GPT2: variants seen among roughly 807,000 people sequenced by gnomAD.
GPT2 encodes the protein alanine aminotransferase 2.
Under a neutral mutation model 56.9 loss-of-function variants are expected in GPT2, and 30 were observed. The ratio of observed to expected loss-of-function variants is 0.53; its 90% CI spans 0.39 to 0.72. The LOEUF (loss-of-function observed/expected upper bound fraction) is 0.72, where lower values mean the gene tolerates loss of function less well. Among genes scored for constraint, GPT2 ranks in the 30% least tolerant of loss-of-function variants. GPT2 has a pLI of 0.00. For missense variants in GPT2, 542 were observed against 703.4 expected (o/e 0.77, Z 2.60); for synonymous variants, 271 against 283.1 (o/e 0.96, Z 0.43).
At chr16:46,894,084 G>A (rs1270317660) in intron 2 of GPT2, among the ~76,000 whole-genome samples, 1 of 152,210 alleles carries the variant, frequency 6.6e-6, no homozygotes, top group Non-Finnish European at 1.5e-5. Flanking sequence ...GGTAGCCAGT[G>A]TCCTGACCCC....
intron 4 of GPT2, among the ~76,000 whole-genome samples, chr16:46,903,300 GT>G (rs546475338): frequency 2.0e-5 from 3 of 147,450 alleles, no homozygotes; most frequent in East Asian, 2.0e-4. Flanking sequence ...TCATGTTTTT[GT>G]TTTTTTTTTC....
At chr16:46,898,931 T>TATATATACAC (rs1960747443) in intron 3 of GPT2, among the ~76,000 whole-genome samples, 3 of 132,430 alleles carry the variant, frequency 2.3e-5, no homozygotes, top group East Asian at 2.0e-4. Flanking sequence ...TATATATGTG[T>TATATATACAC]ATATATATAC....
At chr16:46,903,504 T>C (rs1960860616) in intron 4 of GPT2, among the ~76,000 whole-genome samples, 1 of 151,950 alleles carries the variant, frequency 6.6e-6, no homozygotes, top group African/African-American at 2.4e-5. Flanking sequence ...ACATAGGGTC[T>C]CACTGTTGTC....
intron 6 of GPT2, among the ~76,000 whole-genome samples, chr16:46,913,559 T>A (rs913286694): frequency 2.6e-5 from 4 of 152,210 alleles, no homozygotes; most frequent in African/African-American, 9.6e-5. Flanking sequence ...GAAAAGTTGG[T>A]CCGTTAGTAA....
intron 6 of GPT2, among the ~76,000 whole-genome samples, chr16:46,914,731 C>CGATGA: frequency 6.6e-6 from 1 of 152,220 alleles, no homozygotes. Flanking sequence ...CCAGGGCAGA[C>CGATGA]GATGAGCGGG....
intron 6 of GPT2, among the ~76,000 whole-genome samples, chr16:46,915,139 G>A (rs762630580): frequency 2.0e-5 from 3 of 151,844 alleles, no homozygotes; most frequent in Non-Finnish European, 2.9e-5. Flanking sequence ...TGGAACTCCT[G>A]GGCTCAAGCG....
chr16:46,892,247 T>A (rs1469620589), intron 2 of GPT2, among the ~76,000 whole-genome samples: 1 of 152,238 alleles, frequency 6.6e-6, no homozygotes, highest in Non-Finnish European at 1.5e-5. Context: ...ATCCATAATT[T>A]TGCAAATGGC....
intron 2 of GPT2, among the ~76,000 whole-genome samples, chr16:46,886,714 A>G (rs1454421779): frequency 6.6e-6 from 1 of 152,066 alleles, no homozygotes; most frequent in African/African-American, 2.4e-5. Flanking sequence ...TGCTGGGATT[A>G]GGATGTCATG....
chr16:46,897,837 C>A, intron 3 of GPT2, 100 bp downstream of exon 3: 1 of 972,456 alleles, frequency 1.0e-6, no homozygotes, highest in South Asian at 1.4e-5. Flanking sequence ...TCCAGGCCCT[C>A]CCAGCCTGAT....
At chr16:46,923,809 C>G in intron 9 of GPT2, 1 of 194,198 alleles carries the variant, frequency 5.1e-6, no homozygotes, top group Non-Finnish European at 1.1e-5. Context: ...CCCCCAGATG[C>G]ATTGGTGGGG....
intron 8 of GPT2, 49 bp downstream of exon 8, chr16:46,918,806 C>T: frequency 6.2e-7 from 1 of 1,603,998 alleles, no homozygotes; most frequent in Middle Eastern, 1.7e-4. Flanking sequence ...GCCAGATCCT[C>T]ACGCTGCCGG....
At chr16:46,928,217 A>C (rs562575476) in intron 11 of GPT2, among the ~76,000 whole-genome samples, 1 of 151,902 alleles carries the variant, frequency 6.6e-6, no homozygotes, top group Admixed American at 6.6e-5. Context: ...AATCCTAGCT[A>C]CTCGGGAGGC....
At chr16:46,886,176 G>C (rs1172223828) in intron 2 of GPT2, among the ~76,000 whole-genome samples, 1 of 152,192 alleles carries the variant, frequency 6.6e-6, no homozygotes, top group Non-Finnish European at 1.5e-5. Context: ...GAGGAGGCTG[G>C]CTTTGTTTCT....
intron 11 of GPT2, among the ~76,000 whole-genome samples, chr16:46,927,296 G>A (rs1035656876): frequency 4.6e-5 from 7 of 152,136 alleles, no homozygotes; most frequent in African/African-American, 1.4e-4. Flanking sequence ...CTCTGCCATC[G>A]GTCCCATCGC....
At chr16:46,911,866 T>G (rs1961053184) in intron 6 of GPT2, among the ~76,000 whole-genome samples, 1 of 152,158 alleles carries the variant, frequency 6.6e-6, no homozygotes, top group Admixed American at 6.6e-5. Flanking sequence ...CTTGGCCAGG[T>G]GTTTACATAA....
rs763595739 is a variant in GPT2 at position 46,928,896 on chromosome 16, T to C, written c.1482-11T>C. 3 of 1,608,752 alleles carry C rather than the reference T, an allele frequency of 1.9e-6. No individual in the cohort carries two copies. Among genetic ancestry groups the C allele is most frequent in the East Asian group, 4.5e-5 (2 of 44,852 alleles). ...GAGCAGCCAGGCTGACACTGTTGTC[T>C]CTCCTGCCAGGATGACTATCCTCCC... On this transcript the variant is annotated splice_polypyrimidine_tract_variant and intron_variant, in intron 11 of 11. Transcript: ENST00000340124.
intron 6 of GPT2, among the ~76,000 whole-genome samples, chr16:46,913,123 T>C (rs975202686): frequency 1.3e-5 from 2 of 152,262 alleles, no homozygotes; most frequent in African/African-American, 2.4e-5. Context: ...ATCTGTTCAC[T>C]GGCTCAGCGG....
At chr16:46,925,261 G>A (rs776810858) in intron 10 of GPT2, among the ~76,000 whole-genome samples, 2 of 151,210 alleles carry the variant, frequency 1.3e-5, no homozygotes, top group East Asian at 1.9e-4. Flanking sequence ...TTGCTCTGTC[G>A]CCCAGGCTGG....
At chr16:46,891,697 G>A (rs1327684869) in intron 2 of GPT2, among the ~76,000 whole-genome samples, 1 of 152,050 alleles carries the variant, frequency 6.6e-6, no homozygotes, top group Non-Finnish European at 1.5e-5. Flanking sequence ...GTACAGGCAT[G>A]TAGTGTGTAA....
Sources: allele counts gnomAD v4.1 joint callset (sites outside exome capture counted in the v4.1 genomes callset), GRCh38; gene constraint gnomAD v4.1.1; transcripts MANE v1.5; gene names NCBI Gene and HGNC (gene_info 2026-07-23, HGNC 2026-07-21).